The following HYAL4 variants were observed in gnomAD, a reference collection of about 807,000 sequenced individuals.
The protein encoded by HYAL4 is hyaluronidase-4.
In HYAL4, 37 loss-of-function variants were observed where a neutral mutation model predicts 35.2. That is an observed-to-expected ratio of 1.05 (90% CI 0.81 to 1.38). HYAL4 has a LOEUF of 1.38. Among genes scored for constraint, HYAL4 ranks in the 40% most tolerant of loss-of-function variants. The pLI is 0.00. For missense variants in HYAL4, 572 were observed against 572.4 expected, an observed-to-expected ratio of 1.00 and a Z score of 0.01; for synonymous variants, 198 against 203.2, an observed-to-expected ratio of 0.97 and a Z score of 0.22.
the HYAL4 span, among the ~76,000 whole-genome samples, chr7:123,796,298 T>C: frequency 6.6e-6 from 1 of 152,162 alleles, no homozygotes; most frequent in Non-Finnish European, 1.5e-5. Flanking sequence ...CTTCTGTCAC[T>C]TGGATTTAGG....
chr7:123,831,050 A>G (rs1291053411), intron 1 of HYAL4, among the ~76,000 whole-genome samples: 5 of 152,174 alleles, frequency 3.3e-5, no homozygotes, highest in Non-Finnish European at 4.4e-5. Context: ...TTGAAATTTG[A>G]TCCCAAATGT....
the HYAL4 span, among the ~76,000 whole-genome samples, chr7:123,807,762 C>T: frequency 6.6e-6 from 1 of 151,348 alleles, no homozygotes; most frequent in African/African-American, 2.4e-5. Flanking sequence ...GACAGGGTCT[C>T]ATTCTGTCAC....
upstream of HYAL4, among the ~76,000 whole-genome samples, chr7:123,842,032 C>T (rs1041578467): frequency 1.3e-4 from 20 of 151,948 alleles, no homozygotes; most frequent in African/African-American, 4.8e-4. Flanking sequence ...TTCTGGCCTT[C>T]TGCTAGCTTT....
At chr7:123,800,806 G>A in the HYAL4 span, among the ~76,000 whole-genome samples, 1 of 151,180 alleles carries the variant, frequency 6.6e-6, no homozygotes, top group Non-Finnish European at 1.5e-5. Flanking sequence ...ACAGGCACGC[G>A]TCACCACGCT....
intron 1 of HYAL4, among the ~76,000 whole-genome samples, chr7:123,846,187 G>A (rs1216387364): frequency 1.3e-5 from 2 of 152,214 alleles, no homozygotes; most frequent in Non-Finnish European, 2.9e-5. Flanking sequence ...GCATCAGGCA[G>A]TGGGCAGGGC....
chr7:123,830,205 A>G (rs1805860135), intron 1 of HYAL4, among the ~76,000 whole-genome samples: 1 of 152,198 alleles, frequency 6.6e-6, no homozygotes, highest in African/African-American at 2.4e-5. Context: ...AGACTGTAAT[A>G]CTTTGTCAAC....
At position 123,867,065 on chromosome 7, in the gene HYAL4, G is replaced by A. The variant is rs939862792; in HGVS notation, c.-51-1158G>A. Among the ~76,000 whole-genome samples the A allele has an allele frequency of 7.9e-5, 12 of 152,238 alleles. 1 individual carries two copies. In the East Asian group the frequency reaches 1.2e-3, roughly 15 times the overall value. ...TCACCAAAGTGCTGGGATTATAGGC[G>A]TGAGCCACCCTGCCTGGCTCTATCT... On this transcript the variant is annotated intron_variant, in intron 2 of 4. Coordinates refer to ENST00000223026, the MANE Select transcript of HYAL4 (RefSeq NM_012269.3).
chr7:123,784,442 A>G, the HYAL4 span, among the ~76,000 whole-genome samples: 2 of 152,234 alleles, frequency 1.3e-5, no homozygotes, highest in African/African-American at 2.4e-5. Flanking sequence ...AAAGGAAAAC[A>G]GAAGTTTAGA....
intron 2 of HYAL4, among the ~76,000 whole-genome samples, chr7:123,855,700 A>G (rs1442651423): frequency 1.3e-5 from 2 of 152,004 alleles, no homozygotes; most frequent in East Asian, 1.9e-4. Flanking sequence ...CTCGAGGAGT[A>G]TCTTTGTGGT....
the HYAL4 span, among the ~76,000 whole-genome samples, chr7:123,807,482 T>C: frequency 6.8e-6 from 1 of 146,930 alleles, no homozygotes; most frequent in Non-Finnish European, 1.5e-5. Context: ...TCACCCAGGC[T>C]GGAGGGCAGT....
intron 2 of HYAL4, among the ~76,000 whole-genome samples, chr7:123,852,313 C>T (rs1806324066): frequency 1.3e-5 from 2 of 152,136 alleles, no homozygotes; most frequent in African/African-American, 2.4e-5. Flanking sequence ...AGTCTTTTCC[C>T]ATGCCTATGT....
intron 1 of HYAL4, among the ~76,000 whole-genome samples, chr7:123,832,666 A>T (rs1166098024): frequency 6.7e-6 from 1 of 150,282 alleles, no homozygotes; most frequent in African/African-American, 2.4e-5. Flanking sequence ...TGCCTGGCTA[A>T]TTTTTTTTGT....
In HYAL4 at chr7:123,869,838, C is replaced by CCG. The variant is rs749676096; in HGVS notation, c.954+612_954+613insGC. ...AAGTAGCTGGGTTTACAGGTGCTCACCCCCCCCCACCCAGCTAATTTTTGT... is the reference window on the plus strand; with the variant it reads ...AAGTAGCTGGGTTTACAGGTGCTCACCGCCCCCCCCACCCAGCTAATTTTTGT... On this transcript the variant is annotated intron_variant, in intron 3 of 4. Transcript: ENST00000223026. Among the ~76,000 whole-genome samples the CCG allele has an allele frequency of 2.9e-3, 303 of 104,656 alleles. 4 individuals carry two copies. The highest frequency in any genetic ancestry group is 4.6e-3 in the Non-Finnish European group (214 of 46,354). 68.7% of individuals were successfully genotyped at this position (104,656 alleles called of 152,430 possible). A position where few individuals can be genotyped will look rare whatever the true frequency, so the allele number is the denominator to read the frequency against.
At chr7:123,861,602 C>G (rs1341699722) in intron 2 of HYAL4, among the ~76,000 whole-genome samples, 1 of 152,138 alleles carries the variant, frequency 6.6e-6, no homozygotes, top group Admixed American at 6.6e-5. Flanking sequence ...TTTCTTAAAA[C>G]TGCAAAATTT....
At chr7:123,814,898 A>G in the HYAL4 span, 1 of 152,618 alleles carries the variant, frequency 6.6e-6, no homozygotes, top group South Asian at 2.1e-4. Flanking sequence ...TCAAGCTTAA[A>G]TGCTTTGAAA....
In HYAL4 at chr7:123,845,211, T is replaced by TC. The variant is rs1806150043; in HGVS notation, c.-596_-595insC. On this transcript the variant is annotated 5_prime_UTR_variant, in exon 1 of 5. An upstream open reading frame in the 5' UTR loses its in-frame stop. Transcript: ENST00000223026. Reference sequence around the variant, plus strand: ...CTATCTATTTCTTTTCCTTTTTTTTTTTTTTTTTTTTTTTTGAGATGAAGT... The same window carrying TC: ...CTATCTATTTCTTTTCCTTTTTTTTTCTTTTTTTTTTTTTTTGAGATGAAGT... 7.2e-6 allele frequency: 1 copy of TC among 139,302 alleles called. No individual in the cohort carries two copies. The highest frequency in any genetic ancestry group is 2.0e-4 in the East Asian group (1 of 4,888). The allele number at this position is 139,302 out of a possible 1,614,324, so 8.6% of individuals were successfully genotyped here.
intron 1 of HYAL4, among the ~76,000 whole-genome samples, chr7:123,833,644 G>T (rs1805918132): frequency 6.6e-6 from 1 of 151,998 alleles, no homozygotes; most frequent in Non-Finnish European, 1.5e-5. Context: ...TCTTGGTCAT[G>T]AAATCCTTGC....
rs552871777 is a variant in HYAL4 at position 123,864,238 on chromosome 7, C to T, written c.-51-3985C>T. ...TTACCTATGGCTTTAATGAGTATGTCATTTCATTGAAAATCATTTGTTCAG... is the reference window on the plus strand; with the variant it reads ...TTACCTATGGCTTTAATGAGTATGTTATTTCATTGAAAATCATTTGTTCAG... On this transcript the variant is annotated intron_variant, in intron 2 of 4. Transcript: ENST00000223026. Among the ~76,000 whole-genome samples the T allele has an allele frequency of 5.9e-5, 9 of 152,268 alleles. No homozygotes were observed. In the South Asian group the frequency reaches 1.9e-3, roughly 32 times the overall value.
At chr7:123,809,350 G>C in the HYAL4 span, among the ~76,000 whole-genome samples, 1 of 151,070 alleles carries the variant, frequency 6.6e-6, no homozygotes, top group Non-Finnish European at 1.5e-5. Flanking sequence ...TGCGTGCACT[G>C]CTTCCCTTGC....
Sources: allele counts gnomAD v4.1 joint callset (sites outside exome capture counted in the v4.1 genomes callset), GRCh38; gene constraint gnomAD v4.1.1; transcripts MANE v1.5; gene names NCBI Gene and HGNC (gene_info 2026-07-23, HGNC 2026-07-21).